The following SLC23A2 variants were observed in gnomAD, a reference collection of about 807,000 sequenced individuals.
SLC23A2 encodes the protein Na(+)/L-ascorbic acid transporter 2.
A neutral mutation model predicts 73.3 loss-of-function variants in SLC23A2; 36 were observed. The ratio of observed to expected loss-of-function variants is 0.49; its 90% CI spans 0.38 to 0.65. The LOEUF (loss-of-function observed/expected upper bound fraction) is 0.65, where lower values mean the gene tolerates loss of function less well. Ranked by LOEUF, SLC23A2 falls within the 30% of genes least tolerant of loss-of-function variation. The pLI is 0.00. For missense variants in SLC23A2, 507 were observed against 841.6 expected (o/e 0.60, Z 4.92); for synonymous variants, 343 against 327.3 (o/e 1.05, Z -0.52).
In SLC23A2 at chr20:4,986,649, T is replaced by TACACAC. The variant is rs55738084; in HGVS notation, c.-282+14751_-282+14756dup. 5.3e-3 allele frequency among the ~76,000 whole-genome samples: 690 copies of TACACAC among 129,794 alleles called. 4 individuals are homozygous for TACACAC. The highest frequency in any genetic ancestry group is 0.014 in the East Asian group (58 of 4,020). The allele number at this position is 129,794 out of a possible 152,430, so 85.1% of individuals were successfully genotyped here. A position where few individuals can be genotyped will look rare whatever the true frequency, so the allele number is the denominator to read the frequency against. ...TGTCTGAGATACATACATACACACATACACACACACACACACACACACACA... is the reference window on the plus strand; with the variant it reads ...TGTCTGAGATACATACATACACACATACACACACACACACACACACACACACACACA... On this transcript the variant is annotated intron_variant, in intron 1 of 16. Coordinates refer to ENST00000338244, the MANE Select transcript of SLC23A2 (RefSeq NM_005116.6).
At chr20:4,922,656 G>A (rs1932534400) in intron 3 of SLC23A2, among the ~76,000 whole-genome samples, 1 of 151,966 alleles carries the variant, frequency 6.6e-6, no homozygotes, top group Admixed American at 6.6e-5. Flanking sequence ...GTAAAATCCA[G>A]TCTCTACCAA....
At chr20:5,002,130 G>A (rs1164601908), upstream of SLC23A2, among the ~76,000 whole-genome samples, 1 of 152,150 alleles carries the variant, frequency 6.6e-6, no homozygotes, top group Non-Finnish European at 1.5e-5. Context: ...ATTGTCCCCA[G>A]GTGATGCCCC....
intron 6 of SLC23A2, among the ~76,000 whole-genome samples, chr20:4,886,603 A>G (rs949483577): frequency 6.6e-6 from 1 of 152,236 alleles, no homozygotes; most frequent in East Asian, 1.9e-4. Flanking sequence ...TGATTTGATT[A>G]TATTTTAGAT....
intron 1 of SLC23A2, among the ~76,000 whole-genome samples, chr20:4,985,358 C>T (rs1014750826): frequency 6.6e-6 from 1 of 151,932 alleles, no homozygotes; most frequent in South Asian, 2.1e-4. Context: ...ATGGATTATT[C>T]AGCAATAAAG....
intron 2 of SLC23A2, among the ~76,000 whole-genome samples, chr20:4,944,463 T>C (rs2087087423): frequency 6.6e-6 from 1 of 152,186 alleles, no homozygotes; most frequent in Admixed American, 6.5e-5. Flanking sequence ...GGTCTTGAAC[T>C]CCTGACCTCG....
chr20:4,963,894 A>AT (rs1317726548), intron 2 of SLC23A2, among the ~76,000 whole-genome samples: 1 of 152,198 alleles, frequency 6.6e-6, no homozygotes, highest in African/African-American at 2.4e-5. Context: ...AAAATGTACC[A>AT]TTTATAATTT....
At position 4,862,888 on chromosome 20, in the gene SLC23A2, A is replaced by G. The variant is rs1930030716; in HGVS notation, c.1376T>C (p.Ile459Thr). The G allele has an allele frequency of 6.2e-7, 1 of 1,612,078 alleles. No individual in the cohort carries two copies. The highest frequency in any genetic ancestry group is 8.5e-7 in the Non-Finnish European group (1 of 1,178,546). The change falls in exon 14 of 17, where the codon ATA (isoleucine) becomes ACA (threonine). Residue 459 changes from isoleucine to threonine, a missense_variant. Ile to Thr is a moderately conservative substitution (Grantham distance 89). Coordinates refer to ENST00000338244, the MANE Select transcript of SLC23A2 (RefSeq NM_005116.6). This position sits in a 1 kb window ranked among gnomAD's most constrained non-coding sequence, Gnocchi z 5.1. The part of the protein sequence containing the change: ...GITKVGSRRV[I>T]QCGAALMLAL... The stretch of plus-strand genomic sequence containing the variant: ...GAGCATGAGGGCTGCTCCGCACTGT[A>G]TCACGCGGCGGCTGCCGACCTGCAG...
intron 1 of SLC23A2, among the ~76,000 whole-genome samples, chr20:4,983,602 C>T (rs1421737994): frequency 4.7e-5 from 7 of 148,466 alleles, no homozygotes; most frequent in South Asian, 2.1e-4. Flanking sequence ...GCCGAGACCG[C>T]GCCACTGCAC....
rs545421577 is a variant in SLC23A2, at chr20:4,874,843, T to C, written c.825-147A>G. ...GTCCTCTGAACTACCATTTGAGAAA[T>C]AGTATATCTATTGGAATGTACATCT... On this transcript the variant is annotated intron_variant, in intron 9 of 16. Transcript: ENST00000338244. 29 of 578,550 alleles carry C rather than the reference T, an allele frequency of 5.0e-5. No individual in the cohort carries two copies. The African/African-American group carries it at 5.1e-4, about 10-fold the overall frequency. 35.8% of individuals were successfully genotyped at this position (578,550 alleles called of 1,614,324 possible). A position where few individuals can be genotyped will look rare whatever the true frequency, so the allele number is the denominator to read the frequency against.
At chr20:4,922,843 GCACA>G (rs11474556) in intron 3 of SLC23A2, among the ~76,000 whole-genome samples, 2 of 145,748 alleles carry the variant, frequency 1.4e-5, no homozygotes, top group African/African-American at 2.5e-5. Flanking sequence ...AAAAAAAAAA[GCACA>G]CACACACACA....
chr20:4,911,356 G>A (rs1932141343), intron 4 of SLC23A2, among the ~76,000 whole-genome samples: 1 of 152,136 alleles, frequency 6.6e-6, no homozygotes, highest in Non-Finnish European at 1.5e-5. Flanking sequence ...TGGTTGAGAG[G>A]CAAAAATGAA....
Position 4,857,277 on chromosome 20 carries a change from AACACATAC to A in SLC23A2, c.1721-81_1721-74del, listed in dbSNP as rs1188754699. The A allele has an allele frequency of 2.5e-5, 15 of 590,008 alleles. No homozygotes were observed. Among genetic ancestry groups the A allele is most frequent in the African/African-American group, 4.6e-5 (2 of 43,694 alleles). The allele number at this position is 590,008 out of a possible 1,614,324, so 36.5% of individuals were successfully genotyped here. On this transcript the variant is annotated intron_variant, in intron 16 of 16. Coordinates refer to ENST00000338244, the MANE Select transcript of SLC23A2 (RefSeq NM_005116.6). The surrounding 1 kb of genome is among the most constrained non-coding windows in gnomAD (Gnocchi z 4.0). ...TCTACTGAAAATGAAACTGTCGTCA[AACACATAC>A]ACACACACACACACACACACACACA...
chr20:4,859,454 G>C, intron 15 of SLC23A2, 70 bp from the exon 16 acceptor site: 1 of 981,208 alleles, frequency 1.0e-6, no homozygotes, highest in South Asian at 1.3e-5. Flanking sequence ...ACTTGGGAAG[G>C]GGCAATGGTG....
chr20:4,911,206 C>T (rs979601054), intron 4 of SLC23A2, among the ~76,000 whole-genome samples: 8 of 152,166 alleles, frequency 5.3e-5, no homozygotes, highest in Non-Finnish European at 1.0e-4. Flanking sequence ...ATCCACATGC[C>T]AAACACCACT....
intron 2 of SLC23A2, among the ~76,000 whole-genome samples, chr20:4,949,751 G>A (rs560627967): frequency 6.6e-6 from 1 of 152,028 alleles, no homozygotes; most frequent in South Asian, 2.1e-4. Context: ...ACAGATACAC[G>A]CAGACCCAAA....
rs556351654 is a variant in SLC23A2 at position 4,877,166 on chromosome 20, TATAAATAA to T, written c.825-2478_825-2471del. Among the ~76,000 whole-genome samples, 1,313 of 152,022 alleles carry T rather than the reference TATAAATAA, an allele frequency of 8.6e-3. 20 individuals are homozygous for T. The highest frequency in any genetic ancestry group is 0.03 in the African/African-American group (1,249 of 41,500). On this transcript the variant is annotated intron_variant, in intron 9 of 16. Transcript: ENST00000338244. ...CCCTAGAACTTAAAGTATAATAAAATATAAATAAATAAATAAATAAATAAAAATTCCCA... is the reference window on the plus strand; with the variant it reads ...CCCTAGAACTTAAAGTATAATAAAATATAAATAAATAAATAAAAATTCCCA...
At chr20:4,971,442 C>G (rs753811964) in intron 1 of SLC23A2, among the ~76,000 whole-genome samples, 3 of 151,026 alleles carry the variant, frequency 2.0e-5, no homozygotes, top group Non-Finnish European at 4.4e-5. Flanking sequence ...AGCTGTGCAA[C>G]CGCACTCCAG....
chr20:4,924,265 C>A (rs765718470), intron 3 of SLC23A2, among the ~76,000 whole-genome samples: 6 of 152,208 alleles, frequency 3.9e-5, no homozygotes, highest in African/African-American at 1.4e-4. Context: ...TCCAGCCAAC[C>A]CTTCCTCCAC....
chr20:4,912,449 C>G (rs1568621171), intron 4 of SLC23A2, among the ~76,000 whole-genome samples: 1 of 152,042 alleles, frequency 6.6e-6, no homozygotes, highest in Non-Finnish European at 1.5e-5. Flanking sequence ...ATTCAATCCA[C>G]AAAACAACCA....
Sources: gnomAD v4.1 joint callset for allele counts (sites outside exome capture counted in the v4.1 genomes callset) on GRCh38, gnomAD v4.1.1 for gene constraint, Gnocchi (gnomAD v3.1) non-coding constraint, MANE v1.5 for transcripts, NCBI Gene and HGNC (gene_info 2026-07-23, HGNC 2026-07-21) for gene names.